The following KIFBP variants were observed in gnomAD, a reference collection of about 807,000 sequenced individuals.
The protein encoded by KIFBP is KIF-binding protein.
In KIFBP, 46 loss-of-function variants were observed where a neutral mutation model predicts 58.9. The ratio of observed to expected loss-of-function variants is 0.78; its 90% CI spans 0.62 to 1.00. The LOEUF (loss-of-function observed/expected upper bound fraction) is 1.00. KIFBP is among the 50% of genes least tolerant of loss of function. The pLI is 0.00. For missense variants in KIFBP, 651 were observed against 752.9 expected, an observed-to-expected ratio of 0.86 and a Z score of 1.58; for synonymous variants, 241 against 283.4, an observed-to-expected ratio of 0.85 and a Z score of 1.50.
At chr10:69,008,717 G>C (rs1589297195) in intron 4 of KIFBP, 124 bp from the exon 5 acceptor site, 2 of 780,254 alleles carry the variant, frequency 2.6e-6, no homozygotes, top group East Asian at 5.0e-5. Context: ...ACTCTACAGG[G>C]CCTCCTTTGT....
At chr10:68,997,021 C>T (rs577911709) in intron 1 of KIFBP, among the ~76,000 whole-genome samples, 2 of 152,052 alleles carry the variant, frequency 1.3e-5, no homozygotes, top group Non-Finnish European at 2.9e-5. Flanking sequence ...GTGATTTGAT[C>T]ATTCCACTGG....
chr10:68,998,403 G>T (rs1386030133), intron 1 of KIFBP, among the ~76,000 whole-genome samples: 1 of 145,928 alleles, frequency 6.9e-6, no homozygotes, highest in Admixed American at 6.8e-5. Context: ...TAATAGAAAG[G>T]TTTTTTTTTT....
Position 69,016,067 on chromosome 10 carries a change from T to A in KIFBP, c.1517T>A (p.Ile506Lys). The A allele has an allele frequency of 4.3e-6, 7 of 1,613,984 alleles. No individual in the cohort carries two copies. Among genetic ancestry groups the A allele is most frequent in the African/African-American group, 1.3e-5 (1 of 74,996 alleles). The change falls in exon 7 of 7, where the codon ATA becomes AAA. Residue 506 changes from isoleucine to lysine, a missense_variant. Ile to Lys is a moderately radical substitution (Grantham distance 102). Transcript: ENST00000361983. ...RDPDSHIVKK[I>K]NNLNKSALKY... ...CCTGATTCACACATTGTAAAAAAAA[T>A]AAATAATCTTAATAAGTCAGCACTG...
At chr10:69,014,579 G>T (rs1200977451) in intron 6 of KIFBP, among the ~76,000 whole-genome samples, 1 of 152,172 alleles carries the variant, frequency 6.6e-6, no homozygotes, top group Non-Finnish European at 1.5e-5. Context: ...ACCTTGAAGG[G>T]TTTGTGGAAA....
intron 6 of KIFBP, among the ~76,000 whole-genome samples, chr10:69,014,157 G>A (rs1843621715): frequency 1.3e-5 from 2 of 152,176 alleles, no homozygotes; most frequent in Admixed American, 1.3e-4. Flanking sequence ...ATTCAATTAA[G>A]TATTTATTTA....
chr10:68,992,883 G>A (rs1843364953), intron 1 of KIFBP, among the ~76,000 whole-genome samples: 1 of 152,072 alleles, frequency 6.6e-6, no homozygotes, highest in Non-Finnish European at 1.5e-5. Context: ...TATTGCTAGT[G>A]GATTTGATTC....
chr10:68,992,205 C>T (rs916268236), intron 1 of KIFBP, among the ~76,000 whole-genome samples: 2 of 152,058 alleles, frequency 1.3e-5, no homozygotes, highest in Admixed American at 6.6e-5. Flanking sequence ...GTTGCTCGGG[C>T]TGGTCTCGAA....
chr10:69,014,718 C>CG (rs1444375822), intron 6 of KIFBP, among the ~76,000 whole-genome samples: 1 of 86,342 alleles, frequency 1.2e-5, no homozygotes, highest in African/African-American at 3.6e-5. Flanking sequence ...TTTTATTTGC[C>CG]CCCCCCCACC....
intron 1 of KIFBP, chr10:68,995,289 C>A (rs151004332): frequency 1.3e-5 from 2 of 152,172 alleles, no homozygotes; most frequent in Non-Finnish European, 2.9e-5. Flanking sequence ...GTATGTGCCA[C>A]TGTACCCAGC....
intron 3 of KIFBP, 39 bp downstream of exon 3, chr10:69,005,164 A>G: frequency 2.2e-6 from 3 of 1,382,448 alleles, no homozygotes; most frequent in Non-Finnish European, 2.1e-6. Context: ...AAATATTTCC[A>G]CATATCATAG....
At chr10:69,011,069 A>G in intron 6 of KIFBP, 54 bp downstream of exon 6, 1 of 1,218,986 alleles carries the variant, frequency 8.2e-7, no homozygotes, top group Non-Finnish European at 1.2e-6. Context: ...ATTGTAAGTA[A>G]AAACTCATAG....
chr10:68,997,443 G>T (rs1843418384), intron 1 of KIFBP, among the ~76,000 whole-genome samples: 1 of 152,034 alleles, frequency 6.6e-6, no homozygotes. Context: ...TTCCTTCTTT[G>T]CTCTCTCCCC....
rs754180146 is a variant in KIFBP at position 68,989,043 on chromosome 10, G to GGTGGTC, written c.211_212insGTGGTC (p.Asp71delinsGlyGlyHis). The GGTGGTC allele has an allele frequency of 5.0e-6, 8 of 1,613,324 alleles. No homozygotes were observed. Among genetic ancestry groups the GGTGGTC allele is most frequent in the Non-Finnish European group, 6.8e-6 (8 of 1,179,600 alleles). On this transcript the variant is annotated protein_altering_variant, in exon 1 of 7. Coordinates refer to ENST00000361983, the MANE Select transcript of KIFBP (RefSeq NM_015634.4). ...GGCCGAGGACGGCCCGGGTGCCGGT[G>GGTGGTC]ACCACGCCCTGGGGCTGCCGGCTGA...
chr10:69,008,391 A>AAAATATATATATATATATATATAT, intron 4 of KIFBP, among the ~76,000 whole-genome samples: 2 of 71,592 alleles, frequency 2.8e-5, no homozygotes, highest in African/African-American at 7.8e-5. Flanking sequence ...AAAAAAAAAA[A>AAAATATATATATATATATATATAT]ATATATATAT....
intron 6 of KIFBP, among the ~76,000 whole-genome samples, chr10:69,012,902 T>C (rs1843609651): frequency 6.6e-6 from 1 of 151,806 alleles, no homozygotes; most frequent in Non-Finnish European, 1.5e-5. Flanking sequence ...TGAGACTGGG[T>C]AATTTATGAA....
chr10:69,008,121 C>T (rs966368005), intron 4 of KIFBP, among the ~76,000 whole-genome samples: 1 of 151,722 alleles, frequency 6.6e-6, no homozygotes, highest in African/African-American at 2.4e-5. Flanking sequence ...CTCTCTAAAC[C>T]TAATAAAAAT....
intron 2 of KIFBP, among the ~76,000 whole-genome samples, chr10:69,001,297 C>T (rs1294202372): frequency 6.6e-6 from 1 of 152,034 alleles, no homozygotes; most frequent in Non-Finnish European, 1.5e-5. Context: ...GTCTGGGGAG[C>T]CAACATTGAA....
Position 69,005,568 on chromosome 10 carries a change from C to T in KIFBP, c.606-164C>T, listed in dbSNP as rs538469003. Among the ~76,000 whole-genome samples, 109 of 151,352 alleles carry T rather than the reference C, an allele frequency of 7.2e-4. 1 individual carries two copies. Among genetic ancestry groups the T allele is most frequent in the African/African-American group, 2.5e-3 (105 of 41,250 alleles). On this transcript the variant is annotated intron_variant, in intron 3 of 6. Transcript: ENST00000361983. The stretch of plus-strand genomic sequence containing the variant: ...GCAGGCGCCTGTAATCCCAGCTACT[C>T]GGGAGGCTGAGGCAGGAGAATTGCT...
rs908242760 is a variant in KIFBP at position 69,014,301 on chromosome 10, G to A, written c.991-1240G>A. ...ACACATGATATGAGAAGGCACAATA[G>A]GAGGAAATAACAAGCAAGCTCTGGG... is the stretch of plus-strand genomic sequence containing the variant. On this transcript the variant is annotated intron_variant, in intron 6 of 6. Coordinates refer to ENST00000361983, the MANE Select transcript of KIFBP (RefSeq NM_015634.4). 3.9e-5 allele frequency among the ~76,000 whole-genome samples: 6 copies of A among 152,190 alleles called. No homozygotes were observed. In the East Asian group the frequency reaches 1.2e-3, roughly 29 times the overall value.
Sources: allele counts gnomAD v4.1 joint callset (sites outside exome capture counted in the v4.1 genomes callset), GRCh38; gene constraint gnomAD v4.1.1; transcripts MANE v1.5; gene names NCBI Gene and HGNC (gene_info 2026-07-23, HGNC 2026-07-21).